The following RPGRIP1L variants were observed in gnomAD, a reference collection of about 807,000 sequenced individuals.
RPGRIP1L encodes protein fantom.
RPGRIP1L carries 131 observed loss-of-function variants against 160.4 expected under a neutral mutation model. The observed-to-expected ratio is 0.82, with a 90% confidence interval of 0.71 to 0.94. The LOEUF is 0.94. RPGRIP1L is among the 40% of genes least tolerant of loss of function. The pLI, the probability that RPGRIP1L is intolerant of heterozygous loss-of-function variation, is 0.00. For synonymous variants in RPGRIP1L, 510 were observed against 515.8 expected (o/e 0.99, Z 0.15); for missense variants, 1,522 against 1,535.8 (o/e 0.99, Z 0.15).
chr16:53,695,641 T>C, intron 3 of RPGRIP1L: 1 of 565,964 alleles, frequency 1.8e-6, no homozygotes, highest in South Asian at 2.3e-5. Context: ...GTGACAATAC[T>C]GTTTCTTCAG....
chr16:53,646,053 G>A, intron 16 of RPGRIP1L, 50 bp from the exon 17 acceptor site: 1 of 1,547,202 alleles, frequency 6.5e-7, no homozygotes, highest in South Asian at 1.1e-5. Context: ...GTTAAAAGAT[G>A]AACAGCAGCT....
At chr16:53,679,753 T>A (rs897262384) in intron 6 of RPGRIP1L, among the ~76,000 whole-genome samples, 1 of 152,222 alleles carries the variant, frequency 6.6e-6, no homozygotes, top group Admixed American at 6.5e-5. Context: ...ATGATACAGG[T>A]CTCTTTGAGG....
chr16:53,603,028 G>A (rs907913520), intron 26 of RPGRIP1L, among the ~76,000 whole-genome samples: 1 of 152,172 alleles, frequency 6.6e-6, no homozygotes, highest in African/African-American at 2.4e-5. Flanking sequence ...TTTCTTGGAA[G>A]AGGGACCACT....
At chr16:53,679,111 T>C (rs1207671680) in intron 6 of RPGRIP1L, among the ~76,000 whole-genome samples, 2 of 152,310 alleles carry the variant, frequency 1.3e-5, no homozygotes, top group South Asian at 2.1e-4. Context: ...GGAAAAAAAC[T>C]GTCTGTGTAT....
chr16:53,666,043 A>G (rs1342196164), intron 9 of RPGRIP1L, among the ~76,000 whole-genome samples: 2 of 152,226 alleles, frequency 1.3e-5, no homozygotes, highest in African/African-American at 4.8e-5. Flanking sequence ...TAAGCCCAGT[A>G]AATACAACAA....
At chr16:53,655,800 T>C (rs1260299595) in intron 14 of RPGRIP1L, among the ~76,000 whole-genome samples, 2 of 152,188 alleles carry the variant, frequency 1.3e-5, no homozygotes, top group African/African-American at 4.8e-5. Flanking sequence ...CTTGCTAAAG[T>C]CTAAAAATCA....
chr16:53,603,410 C>A (rs1246571888), intron 26 of RPGRIP1L, among the ~76,000 whole-genome samples: 1 of 152,152 alleles, frequency 6.6e-6, no homozygotes, highest in African/African-American at 2.4e-5. Flanking sequence ...CTCGCTGAAA[C>A]CTCTGCCTCC....
Position 53,638,055 on chromosome 16 carries a change from C to T in RPGRIP1L, c.3061-201G>A, listed in dbSNP as rs183588912. ...AGATAAATGGAAATCTGAATATGTA[C>T]TAAGAATAAAAAATGTATTAATCTC... On this transcript the variant is annotated intron_variant, in intron 20 of 26. Transcript: ENST00000647211. 9.9e-5 allele frequency among the ~76,000 whole-genome samples: 15 copies of T among 152,040 alleles called. No homozygotes were observed. In the East Asian group the frequency reaches 2.5e-3, roughly 25 times the overall value.
intron 9 of RPGRIP1L, among the ~76,000 whole-genome samples, chr16:53,670,543 T>C (rs1394591771): frequency 6.6e-6 from 1 of 152,178 alleles, no homozygotes; most frequent in Non-Finnish European, 1.5e-5. Context: ...TGGGGTATAA[T>C]TTTGTTTCTA....
intron 24 of RPGRIP1L, among the ~76,000 whole-genome samples, chr16:53,611,291 C>T (rs1007473055): frequency 3.3e-5 from 5 of 152,218 alleles, no homozygotes; most frequent in African/African-American, 4.8e-5. Flanking sequence ...CAAGCAACAT[C>T]TAAGAGTGCC....
rs1963315002 is a variant in RPGRIP1L, at chr16:53,600,096, G to A, written c.*1980C>T. ...AATCTGGTTCTTCTCCCTGCAGAAGGGTTATTTAGTTTGGGATGTAACATT... is the reference window on the plus strand; with the variant it reads ...AATCTGGTTCTTCTCCCTGCAGAAGAGTTATTTAGTTTGGGATGTAACATT... On this transcript the variant is annotated 3_prime_UTR_variant, in exon 27 of 27. Transcript: ENST00000647211. 1 of 152,558 alleles carries A rather than the reference G, an allele frequency of 6.6e-6. No homozygotes were observed. Among genetic ancestry groups the A allele is most frequent in the African/African-American group, 2.4e-5 (1 of 41,524 alleles). The allele number at this position is 152,558 out of a possible 1,614,324, so 9.5% of individuals were successfully genotyped here. A position where few individuals can be genotyped will look rare whatever the true frequency, so the allele number is the denominator to read the frequency against.
rs565152814 is a variant in RPGRIP1L, at chr16:53,652,565, C to T, written c.2122G>A (p.Gly708Ser). Reference protein sequence around the residue: ...LKFHEILEKSGRIFCTASLIG... With the variant: ...LKFHEILEKSSRIFCTASLIG... ...AAACTTGCTGTACAAAATATTCGGCCGCTTTTTTCAAGAATTTCGTGAAAT... is the reference window on the plus strand; with the variant it reads ...AAACTTGCTGTACAAAATATTCGGCTGCTTTTTTCAAGAATTTCGTGAAAT... The change falls in exon 15 of 27, where the codon GGC becomes AGC. Residue 708 changes from glycine to serine, a missense_variant. Coordinates refer to ENST00000647211, the MANE Select transcript of RPGRIP1L (RefSeq NM_015272.5). 35 of 1,613,908 alleles carry T rather than the reference C, an allele frequency of 2.2e-5. No individual in the cohort carries two copies. The East Asian group carries it at 4.5e-4, about 21-fold the overall frequency.
At chr16:53,677,455 CAATG>C (rs1318281816) in intron 6 of RPGRIP1L, among the ~76,000 whole-genome samples, 2 of 151,378 alleles carry the variant, frequency 1.3e-5, no homozygotes, top group Admixed American at 6.6e-5. Flanking sequence ...TTTCATGTAA[CAATG>C]AGAAGAGGAG....
chr16:53,616,527 T>C (rs1442693650), intron 24 of RPGRIP1L, among the ~76,000 whole-genome samples: 5 of 152,176 alleles, frequency 3.3e-5, no homozygotes, highest in Non-Finnish European at 7.4e-5. Context: ...ACGGAGTACA[T>C]TCCTTTCCCC....
At position 53,658,393 on chromosome 16, in the gene RPGRIP1L, C is replaced by T. The variant is rs780189128; in HGVS notation, c.1401+21G>A. 3.1e-5 allele frequency: 49 copies of T among 1,582,618 alleles called. 1 individual carries two copies. The highest frequency in any genetic ancestry group is 7.7e-5 in the South Asian group (7 of 90,396). ...CAGTTGTATGCAGACATGAAAATCA[C>T]GATGAAGTTCAGAACCTTACCTTTA... On this transcript the variant is annotated intron_variant, in intron 12 of 26. Coordinates refer to ENST00000647211, the MANE Select transcript of RPGRIP1L (RefSeq NM_015272.5).
At chr16:53,643,483 G>T (rs1598304407) in intron 17 of RPGRIP1L, among the ~76,000 whole-genome samples, 4 of 152,096 alleles carry the variant, frequency 2.6e-5, no homozygotes, top group Non-Finnish European at 5.9e-5. Flanking sequence ...GAAAGTAAAA[G>T]CTGAGGCAGG....
In RPGRIP1L at chr16:53,649,031, T is replaced by C. The variant is rs750631908; in HGVS notation, c.2237A>G (p.Tyr746Cys). The C allele has an allele frequency of 3.1e-6, 5 of 1,613,906 alleles. No homozygotes were observed. The highest frequency in any genetic ancestry group is 4.2e-6 in the Non-Finnish European group (5 of 1,179,868). ...CCCCAAAGCCTTTGCCCTTTCTCGA[T>C]AAAGTCGAATTGCTTGATCCATGGG... is the stretch of plus-strand genomic sequence containing the variant. ...RVPMDQAIRL[Y>C]RERAKALGYI... Residue 746 changes from tyrosine (Y) to cysteine (C), a missense_variant, in exon 16 of 27, where the codon TAT becomes TGT. Transcript: ENST00000647211.
In RPGRIP1L at chr16:53,696,206, C is replaced by G. The variant is rs750355385; in HGVS notation, c.175G>C (p.Asp59His). The G allele has an allele frequency of 3.1e-6, 5 of 1,613,906 alleles. No homozygotes were observed. The East Asian group carries it at 1.1e-4, about 36-fold the overall frequency. The change falls in exon 3 of 27, where the codon GAT becomes CAT. Residue 59 changes from aspartate to histidine, a missense_variant. Transcript: ENST00000647211. The stretch of plus-strand genomic sequence containing the variant: ...TGCTGTTTAAGTAAAATGTTCTCAT[C>G]ATGCAAACGCAAAAATCTGTCTTCC... ...ELEDRFLRLH[D>H]ENILLKQHAR...
chr16:53,646,980 G>A (rs945169554), intron 16 of RPGRIP1L, among the ~76,000 whole-genome samples: 1 of 151,980 alleles, frequency 6.6e-6, no homozygotes, highest in Non-Finnish European at 1.5e-5. Flanking sequence ...AGGAATGACT[G>A]AAAAAGTACC....
Sources: allele counts gnomAD v4.1 joint callset (sites outside exome capture counted in the v4.1 genomes callset), GRCh38; gene constraint gnomAD v4.1.1; transcripts MANE v1.5; gene names NCBI Gene and HGNC (gene_info 2026-07-23, HGNC 2026-07-21).